Variants in ACBD6 observed in about 807,000 individuals in gnomAD.
ACBD6 encodes the protein acyl-CoA binding domain containing 6, also known as acyl-CoA-binding domain-containing protein 6.
ACBD6 carries 28 observed loss-of-function variants against 37.2 expected under a neutral mutation model. The observed-to-expected ratio is 0.75, with a 90% CI of 0.56 to 1.03. The LOEUF (loss-of-function observed/expected upper bound fraction) is 1.03. ACBD6 is among the 50% of genes least tolerant of loss of function. ACBD6 has a pLI of 0.00. For missense variants in ACBD6, 340 were observed against 337.4 expected (o/e 1.01, Z -0.06); for synonymous variants, 113 against 126.8 (o/e 0.89, Z 0.73).
chr1:180,441,396 A>G (rs1257600091), intron 3 of ACBD6, among the ~76,000 whole-genome samples: 1 of 152,138 alleles, frequency 6.6e-6, no homozygotes, highest in Non-Finnish European at 1.5e-5. Flanking sequence ...TGAATCCACT[A>G]GTTTTGCTCT....
intron 7 of ACBD6, among the ~76,000 whole-genome samples, chr1:180,313,731 G>A (rs1048173529): frequency 2.0e-5 from 3 of 152,152 alleles, no homozygotes; most frequent in Admixed American, 1.3e-4. Flanking sequence ...GACAGGGTCT[G>A]TGTTGCTCAG....
chr1:180,471,379 G>A (rs1308118858), intron 3 of ACBD6, among the ~76,000 whole-genome samples: 6 of 146,000 alleles, frequency 4.1e-5, no homozygotes, highest in Non-Finnish European at 7.4e-5. Flanking sequence ...TCCAGCCTGG[G>A]CAACACAGAG....
intron 3 of ACBD6, among the ~76,000 whole-genome samples, chr1:180,458,271 T>C (rs1398561415): frequency 6.6e-6 from 1 of 152,190 alleles, no homozygotes; most frequent in African/African-American, 2.4e-5. Flanking sequence ...ACATGCCATA[T>C]TATGGGGCAT....
chr1:180,306,125 C>T (rs1650357521), intron 7 of ACBD6, among the ~76,000 whole-genome samples: 2 of 150,750 alleles, frequency 1.3e-5, no homozygotes, highest in Non-Finnish European at 3.0e-5. Flanking sequence ...GGAGGGATAG[C>T]ATTAGGAGAT....
chr1:180,298,411 G>A (rs1056722098), intron 7 of ACBD6, among the ~76,000 whole-genome samples: 26 of 152,136 alleles, frequency 1.7e-4, no homozygotes, highest in African/African-American at 5.3e-4. Context: ...ACAGTTACGC[G>A]AGAAGATCAG....
chr1:180,341,342 A>G (rs888337136), intron 6 of ACBD6, among the ~76,000 whole-genome samples: 1 of 152,176 alleles, frequency 6.6e-6, no homozygotes, highest in African/African-American at 2.4e-5. Context: ...ATTAATAATA[A>G]AGTAGGTTAT....
chr1:180,464,782 A>G (rs978511421), intron 3 of ACBD6, among the ~76,000 whole-genome samples: 1 of 152,186 alleles, frequency 6.6e-6, no homozygotes, highest in African/African-American at 2.4e-5. Context: ...CCAACTTGAA[A>G]CTATACTACA....
intron 3 of ACBD6, among the ~76,000 whole-genome samples, chr1:180,442,981 A>G (rs942975820): frequency 4.9e-5 from 7 of 143,274 alleles, no homozygotes; most frequent in Non-Finnish European, 7.8e-5. Context: ...CTCCTGGGTC[A>G]TATTTTCCTG....
At chr1:180,444,419 A>G (rs1391981670) in intron 3 of ACBD6, among the ~76,000 whole-genome samples, 1 of 152,224 alleles carries the variant, frequency 6.6e-6, no homozygotes, top group Non-Finnish European at 1.5e-5. Context: ...CAACTGCACA[A>G]ATACACATGT....
At chr1:180,372,211 A>T (rs1165693003) in intron 6 of ACBD6, among the ~76,000 whole-genome samples, 2 of 152,158 alleles carry the variant, frequency 1.3e-5, no homozygotes, top group African/African-American at 4.8e-5. Context: ...GTTTTAATAC[A>T]CATGGTTCTT....
intron 5 of ACBD6, among the ~76,000 whole-genome samples, chr1:180,406,861 A>G (rs1055358393): frequency 6.6e-6 from 1 of 152,182 alleles, no homozygotes; most frequent in African/African-American, 2.4e-5. Context: ...AAAAGAACTG[A>G]ATGTCCTTTC....
At chr1:180,325,751 A>C (rs188663864) in intron 6 of ACBD6, among the ~76,000 whole-genome samples, 2 of 152,326 alleles carry the variant, frequency 1.3e-5, no homozygotes, top group African/African-American at 4.8e-5. Flanking sequence ...TCCCAAGCCG[A>C]ATAACACTGT....
intron 3 of ACBD6, among the ~76,000 whole-genome samples, chr1:180,447,946 T>G (rs575096506): frequency 1.3e-5 from 2 of 152,238 alleles, no homozygotes; most frequent in South Asian, 4.1e-4. Context: ...AGACCATGAT[T>G]ATAAGTAGGC....
chr1:180,439,749 T>G (rs915259672), intron 3 of ACBD6, among the ~76,000 whole-genome samples: 6 of 152,170 alleles, frequency 3.9e-5, no homozygotes, highest in African/African-American at 1.4e-4. Flanking sequence ...TCTCTCCAGT[T>G]TTGGGGATGG....
chr1:180,470,569 C>A (rs1368353696), intron 3 of ACBD6, among the ~76,000 whole-genome samples: 1 of 152,172 alleles, frequency 6.6e-6, no homozygotes, highest in Non-Finnish European at 1.5e-5. Flanking sequence ...GGGCTATCTG[C>A]AAAACAGCAC....
At chr1:180,439,740 C>T (rs1649204987) in intron 3 of ACBD6, among the ~76,000 whole-genome samples, 1 of 152,206 alleles carries the variant, frequency 6.6e-6, no homozygotes, top group Non-Finnish European at 1.5e-5. Context: ...ATTCACCTGT[C>T]TCTCCAGTTT....
At chr1:180,384,308 T>TA (rs1436418258) in intron 6 of ACBD6, among the ~76,000 whole-genome samples, 1 of 151,876 alleles carries the variant, frequency 6.6e-6, no homozygotes, top group Non-Finnish European at 1.5e-5. Flanking sequence ...ATTCAATAGT[T>TA]AAAAAAATAA....
intron 3 of ACBD6, among the ~76,000 whole-genome samples, chr1:180,431,010 A>G (rs937434461): frequency 1.3e-5 from 2 of 152,208 alleles, no homozygotes; most frequent in African/African-American, 4.8e-5. Context: ...GCAAAAGTCA[A>G]AACTCTGATT....
At chr1:180,359,582 T>C (rs1652769595) in intron 6 of ACBD6, among the ~76,000 whole-genome samples, 1 of 152,202 alleles carries the variant, frequency 6.6e-6, no homozygotes. Flanking sequence ...AAGAAAATTA[T>C]GAATTACTAC....
Sources: gnomAD v4.1 joint callset for allele counts (sites outside exome capture counted in the v4.1 genomes callset) on GRCh38, gnomAD v4.1.1 for gene constraint, MANE v1.5 for transcripts, NCBI Gene and HGNC (gene_info 2026-07-23, HGNC 2026-07-21) for gene names.